Variants in TRPM1 observed in about 807,000 individuals in gnomAD.
The protein encoded by TRPM1 is TRPM1-203 APA Isoform, Intron 10.
A neutral mutation model predicts 149.4 loss-of-function variants in TRPM1; 113 were observed. That is an observed-to-expected ratio of 0.76 (90% CI 0.65 to 0.88). The LOEUF is 0.88. TRPM1 is among the 40% of genes least tolerant of loss of function. The probability of loss-of-function intolerance (pLI) is 0.00; values close to 1 mark genes in which losing one functional copy is unlikely to be tolerated. For missense variants in TRPM1, 1,976 were observed against 2,038.7 expected (o/e 0.97, Z 0.59); for synonymous variants, 741 against 759.5 (o/e 0.98, Z 0.40).
At chr15:31,149,897 C>T (rs547200907) in intron 1 of TRPM1, among the ~76,000 whole-genome samples, 45 of 152,294 alleles carry the variant, frequency 3.0e-4, no homozygotes, top group African/African-American at 1.0e-3. Context: ...ATTCTGTTGG[C>T]GAGCATTGAC....
At chr15:31,151,736 T>A (rs764950701) in intron 1 of TRPM1, among the ~76,000 whole-genome samples, 1 of 152,218 alleles carries the variant, frequency 6.6e-6, no homozygotes, top group Non-Finnish European at 1.5e-5. Flanking sequence ...CTGCTGGGAC[T>A]GTCTCCCTCA....
chr15:31,047,204 G>T lies in TRPM1; in HGVS notation c.1671C>A (p.Leu557=). The part of the protein sequence containing the change: ...DYHISLIDIG[L]VLEYLMGGAY... ...CTCCTCCCATGAGGTACTCCAGCAC[G>T]AGCCCGATGTCTATGAGGCTGATGT... Residue 557 remains leucine (L), a synonymous_variant, in exon 15 of 28, where the codon CTC becomes CTA. Transcript: ENST00000256552. 6.2e-7 allele frequency: 1 copy of T among 1,614,220 alleles called. No individual in the cohort carries two copies. Among genetic ancestry groups the T allele is most frequent in the Non-Finnish European group, 8.5e-7 (1 of 1,180,040 alleles).
chr15:31,047,889 C>A lies in TRPM1; in HGVS notation c.1623G>T (p.Lys541Asn), dbSNP rs751094211. ...TLHLLVRDVK[K>N]SNLPPDYHIS... ...AAGAATTGTAAAACAGTAGACTGAC[C>A]TTTTTCACATCCCTCACCAGCAGAT... Residue 541 changes from lysine to asparagine, a missense_variant and splice_region_variant, in exon 14 of 28, where the codon AAG becomes AAT. This residue lies in a region of TRPM1 where 1,332 missense variants were observed against 1,347.1 expected (regional missense o/e 0.99). Coordinates refer to ENST00000256552, the MANE Select transcript of TRPM1 (RefSeq NM_001252024.2). The A allele has an allele frequency of 3.7e-6, 6 of 1,612,820 alleles. No individual in the cohort carries two copies. The highest frequency in any genetic ancestry group is 5.1e-6 in the Non-Finnish European group (6 of 1,178,808).
intron 1 of TRPM1, among the ~76,000 whole-genome samples, chr15:31,093,741 A>G (rs546733072): frequency 1.3e-5 from 2 of 152,074 alleles, no homozygotes; most frequent in African/African-American, 4.8e-5. Context: ...AGCTGGGACT[A>G]CAGACATGTG....
intron 1 of TRPM1, among the ~76,000 whole-genome samples, chr15:31,155,450 T>G (rs756267397): frequency 7.9e-5 from 12 of 152,234 alleles, no homozygotes; most frequent in Non-Finnish European, 1.6e-4. Context: ...TGTTTGTGCC[T>G]TAGGCAGGCA....
intron 7 of TRPM1, chr15:31,064,885 T>G (rs2034326113): frequency 1.5e-5 from 6 of 396,212 alleles, no homozygotes; most frequent in South Asian, 1.0e-4. Flanking sequence ...AAAAATGAAC[T>G]AAGATATCCT....
chr15:31,098,887 T>A (rs1160707460), intron 1 of TRPM1, among the ~76,000 whole-genome samples: 1 of 151,990 alleles, frequency 6.6e-6, no homozygotes, highest in African/African-American at 2.4e-5. Flanking sequence ...GGGGACAAGG[T>A]GCACAGCGAC....
intron 1 of TRPM1, among the ~76,000 whole-genome samples, chr15:31,100,086 C>CTTTT (rs1157034431): frequency 6.9e-6 from 1 of 144,672 alleles, no homozygotes. Flanking sequence ...TTCTTTCCTT[C>CTTTT]TTTTTTTTTT....
chr15:31,029,271 G>C (rs2032943839), intron 24 of TRPM1, 100 bp downstream of exon 24: 1 of 1,258,830 alleles, frequency 7.9e-7, no homozygotes, highest in Admixed American at 1.8e-5. Flanking sequence ...AACAAGAGAA[G>C]TATTTGAAAA....
At chr15:31,021,047 A>G (rs1366993661) in intron 27 of TRPM1, among the ~76,000 whole-genome samples, 2 of 152,146 alleles carry the variant, frequency 1.3e-5, no homozygotes, top group Non-Finnish European at 2.9e-5. Context: ...AAGTCAGATC[A>G]GGAACAAGGG....
chr15:31,104,643 G>A (rs1245356744), upstream of TRPM1, among the ~76,000 whole-genome samples: 1 of 141,002 alleles, frequency 7.1e-6, no homozygotes, highest in African/African-American at 2.7e-5. Flanking sequence ...GCCCAGGCTG[G>A]AGTGCAGTGG....
chr15:31,147,975 C>T (rs2141058290), intron 1 of TRPM1, among the ~76,000 whole-genome samples: 1 of 152,220 alleles, frequency 6.6e-6, no homozygotes, highest in South Asian at 2.1e-4. Flanking sequence ...TGTGGCATTG[C>T]TGGGACCAAT....
chr15:31,068,570 C>A (rs1027260694), intron 4 of TRPM1, among the ~76,000 whole-genome samples: 1 of 151,562 alleles, frequency 6.6e-6, no homozygotes, highest in Non-Finnish European at 1.5e-5. Context: ...GTTGAAACCC[C>A]GTCTCTACTA....
At chr15:31,024,943 A>T (rs2032670935) in intron 27 of TRPM1, among the ~76,000 whole-genome samples, 1 of 152,174 alleles carries the variant, frequency 6.6e-6, no homozygotes, top group South Asian at 2.1e-4. Flanking sequence ...GTTGGGTCAC[A>T]AGGTGACTGG....
Position 31,001,975 on chromosome 15 carries a change from T to G in TRPM1, c.4725A>C (p.Leu1575Phe), listed in dbSNP as rs1358591092. Reference protein sequence around the residue: ...LGFPSLRSKSLHGHPRNVKSI... With the variant: ...LGFPSLRSKSFHGHPRNVKSI... Reference sequence around the variant, plus strand: ...ATTTCACATTCCTAGGATGTCCATGTAAACTTTTTGACCTGAGAGATGGGA... The same window carrying G: ...ATTTCACATTCCTAGGATGTCCATGGAAACTTTTTGACCTGAGAGATGGGA... Residue 1575 changes from leucine to phenylalanine, a missense_variant, in exon 28 of 28, where the codon TTA becomes TTC. Around this residue, in one of 3 missense-constraint regions of TRPM1, gnomAD observed 572 missense variants for 578.9 expected, o/e 0.99. Transcript: ENST00000256552. 2 of 1,614,228 alleles carry G rather than the reference T, an allele frequency of 1.2e-6. No individual in the cohort carries two copies. Among genetic ancestry groups the G allele is most frequent in the South Asian group, 2.2e-5 (2 of 91,088 alleles).
At chr15:31,078,697 C>T (rs1183858605) in intron 2 of TRPM1, among the ~76,000 whole-genome samples, 3 of 152,204 alleles carry the variant, frequency 2.0e-5, no homozygotes, top group East Asian at 1.9e-4. Context: ...CCGTCTGTTT[C>T]GCACTTCTCC....
intron 27 of TRPM1, among the ~76,000 whole-genome samples, chr15:31,013,328 A>G (rs550915839): frequency 6.6e-6 from 1 of 152,100 alleles, no homozygotes; most frequent in African/African-American, 2.4e-5. Flanking sequence ...TTAAAAATAT[A>G]TATAATTTCT....
intron 18 of TRPM1, among the ~76,000 whole-genome samples, chr15:31,039,447 G>A (rs577126549): frequency 1.5e-4 from 23 of 152,272 alleles, no homozygotes; most frequent in African/African-American, 5.5e-4. Flanking sequence ...ACTACACAGT[G>A]TAACTCGTAT....
intron 3 of TRPM1, among the ~76,000 whole-genome samples, chr15:31,076,417 C>T (rs182239401): frequency 1.4e-4 from 22 of 152,268 alleles, no homozygotes; most frequent in Admixed American, 6.5e-4. Flanking sequence ...CTTTACAAGG[C>T]CTCTGTTCAG....
Sources: allele counts gnomAD v4.1 joint callset (sites outside exome capture counted in the v4.1 genomes callset), GRCh38; gene constraint gnomAD v4.1.1; regional missense constraint gnomAD v4.1.1; transcripts MANE v1.5; gene names NCBI Gene and HGNC (gene_info 2026-07-23, HGNC 2026-07-21).